HLTF: variants seen among roughly 807,000 people sequenced by gnomAD.
HLTF encodes DNA-dependent ATPase/E3 ubiquitin-protein ligase HLTF.
A neutral mutation model predicts 129.4 loss-of-function variants in HLTF; 127 were observed. The ratio of observed to expected loss-of-function variants is 0.98; its 90% CI spans 0.85 to 1.14. The LOEUF (loss-of-function observed/expected upper bound fraction) is 1.14. Among genes scored for constraint, HLTF ranks in the 50% most tolerant of loss-of-function variants. The probability of loss-of-function intolerance (pLI) is 0.00; values close to 1 mark genes in which losing one functional copy is unlikely to be tolerated. For synonymous variants in HLTF, 332 were observed against 388.8 expected (o/e 0.85, Z 1.72); for missense variants, 1,139 against 1,187.1 (o/e 0.96, Z 0.60).
At chr3:149,045,533 A>C (rs1469294857) in intron 18 of HLTF, among the ~76,000 whole-genome samples, 1 of 152,208 alleles carries the variant, frequency 6.6e-6, no homozygotes, top group Non-Finnish European at 1.5e-5. Context: ...TTTTGAACTC[A>C]GAAATCTGCT....
chr3:149,085,913 C>T (rs1295915868), intron 1 of HLTF, among the ~76,000 whole-genome samples: 1 of 152,186 alleles, frequency 6.6e-6, no homozygotes, highest in East Asian at 1.9e-4. Context: ...AGCGCCTCTG[C>T]AAATACTTAT....
intron 10 of HLTF, chr3:149,063,147 C>T (rs1559872382): frequency 2.2e-6 from 1 of 464,746 alleles, no homozygotes; most frequent in Non-Finnish European, 4.2e-6. Flanking sequence ...GCAAGCTCTG[C>T]CTCCCGGGTT....
rs762870563 is a variant in HLTF, at chr3:149,064,878, G to C, written c.991-12C>G. 2 of 1,497,268 alleles carry C rather than the reference G, an allele frequency of 1.3e-6. No individual in the cohort carries two copies. The highest frequency in any genetic ancestry group is 1.1e-5 in the South Asian group (1 of 88,208). The allele number at this position is 1,497,268 out of a possible 1,614,324, so 92.7% of individuals were successfully genotyped here. A position where few individuals can be genotyped will look rare whatever the true frequency, so the allele number is the denominator to read the frequency against. On this transcript the variant is annotated splice_polypyrimidine_tract_variant and intron_variant, in intron 8 of 24. Coordinates refer to ENST00000310053, the MANE Select transcript of HLTF (RefSeq NM_003071.4). ...TTAACATTATATTCCTGGGTAAATA[G>C]GCATATTTCTTAAACAGTACTGCTA... is the stretch of plus-strand genomic sequence containing the variant.
chr3:149,068,298 T>A lies in HLTF; in HGVS notation c.932A>T (p.Asn311Ile). The A allele has an allele frequency of 6.4e-7, 1 of 1,569,030 alleles. No individual in the cohort carries two copies. The highest frequency in any genetic ancestry group is 8.7e-7 in the Non-Finnish European group (1 of 1,143,442). The change falls in exon 8 of 25, where the codon AAC (asparagine) becomes ATC (isoleucine). Residue 311 changes from asparagine to isoleucine, a missense_variant. Transcript: ENST00000310053. ...TLTAIAVILT[N>I]FHDGRPLPIE... ...AGGAAGAGGTCTGCCATCATGGAAG[T>A]TGGTAAGGATTACTGCAATGGCCGT...
chr3:149,067,047 T>C (rs1718436620), intron 8 of HLTF, among the ~76,000 whole-genome samples: 1 of 152,136 alleles, frequency 6.6e-6, no homozygotes, highest in South Asian at 2.1e-4. Context: ...TATTTCCTTC[T>C]ATTTAAGTTA....
intron 1 of HLTF, 62 bp from the exon 2 acceptor site, chr3:149,084,951 G>A (rs1036117300): frequency 8.3e-7 from 1 of 1,200,186 alleles, no homozygotes; most frequent in South Asian, 1.3e-5. Flanking sequence ...AAGACCATAT[G>A]AGTAGTTTTC....
In HLTF at chr3:149,050,339, A is replaced by C. The variant is rs760546650; in HGVS notation, c.1510T>G (p.Leu504Val). Reference protein sequence around the residue: ...FGQHIKSDVHLNFYVYYGPDR... With the variant: ...FGQHIKSDVHVNFYVYYGPDR... ...GGACCATAATAAACATAAAAATTCA[A>C]GTGTACATCTGATTTTATATGTTGT... is the stretch of plus-strand genomic sequence containing the variant. Residue 504 changes from leucine to valine, a missense_variant, in exon 15 of 25, where the codon TTG (leucine) becomes GTG (valine). Coordinates refer to ENST00000310053, the MANE Select transcript of HLTF (RefSeq NM_003071.4). 6.3e-7 allele frequency: 1 copy of C among 1,593,850 alleles called. No homozygotes were observed. The highest frequency in any genetic ancestry group is 8.6e-7 in the Non-Finnish European group (1 of 1,167,134).
chr3:149,049,012 T>C lies in HLTF; in HGVS notation c.1618-11A>G. On this transcript the variant is annotated splice_polypyrimidine_tract_variant and intron_variant, in intron 15 of 24. Coordinates refer to ENST00000310053, the MANE Select transcript of HLTF (RefSeq NM_003071.4). The stretch of plus-strand genomic sequence containing the variant: ...ACTATCTCCTTTAGTCTGAAATAAA[T>C]GTTTTATATGAATTAAAAAACACAG... 1.3e-6 allele frequency: 2 copies of C among 1,563,222 alleles called. No individual in the cohort carries two copies. Among genetic ancestry groups the C allele is most frequent in the Non-Finnish European group, 1.8e-6 (2 of 1,141,620 alleles).
At chr3:149,032,743 A>G (rs1304729416) in intron 24 of HLTF, among the ~76,000 whole-genome samples, 2 of 152,120 alleles carry the variant, frequency 1.3e-5, no homozygotes, top group Non-Finnish European at 2.9e-5. Context: ...CGGGCAGATC[A>G]TGAGGTCAGG....
chr3:149,037,041 T>A (rs1253223785), intron 23 of HLTF, among the ~76,000 whole-genome samples: 2 of 152,230 alleles, frequency 1.3e-5, no homozygotes, highest in Non-Finnish European at 2.9e-5. Context: ...TGGGATTTGT[T>A]CTAAAAATCA....
intron 15 of HLTF, among the ~76,000 whole-genome samples, chr3:149,049,532 G>A (rs1716813861): frequency 1.3e-5 from 2 of 152,046 alleles, no homozygotes; most frequent in South Asian, 4.1e-4. Context: ...GAAAACTTAT[G>A]AACTGTAACT....
intron 7 of HLTF, among the ~76,000 whole-genome samples, chr3:149,069,301 G>A (rs1211468333): frequency 2.6e-5 from 4 of 151,890 alleles, no homozygotes; most frequent in Admixed American, 6.6e-5. Flanking sequence ...GTGAAACCCC[G>A]TCTCTACTAA....
chr3:149,079,903 G>GT (rs1211715424), intron 2 of HLTF, among the ~76,000 whole-genome samples: 2 of 152,018 alleles, frequency 1.3e-5, no homozygotes, highest in Non-Finnish European at 2.9e-5. Context: ...CAGCCACAAA[G>GT]TTTTTTATAT....
At position 149,040,099 on chromosome 3, in the gene HLTF, A is replaced by G; in HGVS notation, c.2434T>C (p.Cys812Arg). The part of the protein sequence containing the change: ...NDIHEDNLLE[C>R]PPEELARDSE... ...TCACGTGCTAATTCTTCTGGAGGAC[A>G]TTCTAATAAATTATCTTCATGTATA... Residue 812 changes from cysteine to arginine, a missense_variant, in exon 21 of 25, where the codon TGT becomes CGT. Cys to Arg is a radical substitution (Grantham distance 180). Transcript: ENST00000310053. 1 of 1,610,336 alleles carries G rather than the reference A, an allele frequency of 6.2e-7. No homozygotes were observed. The highest frequency in any genetic ancestry group is 8.5e-7 in the Non-Finnish European group (1 of 1,178,066).
At chr3:149,071,710 CTTGCATTTAAGTCAGA>C in intron 5 of HLTF, 53 bp from the exon 6 acceptor site, 1 of 1,093,634 alleles carries the variant, frequency 9.1e-7, no homozygotes, top group Non-Finnish European at 1.4e-6. Context: ...TAAAATAATA[CTTGCATTTAAGTCAGA>C]TTTGAAATCA....
chr3:149,036,320 C>T (rs1156591820), intron 23 of HLTF, among the ~76,000 whole-genome samples: 4 of 34,808 alleles, frequency 1.1e-4, no homozygotes, highest in East Asian at 8.1e-4. Context: ...GATGGAGTCT[C>T]GCTCTGTCAC....
rs896602502 is a variant in HLTF, at chr3:149,032,115, CT to C, written c.*104del. On this transcript the variant is annotated 3_prime_UTR_variant, in exon 25 of 25. Coordinates refer to ENST00000310053, the MANE Select transcript of HLTF (RefSeq NM_003071.4). ...CTCTTCACTAATATAAAATATGCCC[CT>C]TTTAGAAGACGTGTTCTCTAGATCT... 1.2e-6 allele frequency: 1 copy of C among 819,358 alleles called. No homozygotes were observed. Among genetic ancestry groups the C allele is most frequent in the African/African-American group, 1.8e-5 (1 of 56,118 alleles). The allele number at this position is 819,358 out of a possible 1,614,324, so 50.8% of individuals were successfully genotyped here. A position where few individuals can be genotyped will look rare whatever the true frequency, so the allele number is the denominator to read the frequency against.
chr3:149,081,835 A>G (rs1183037882), intron 2 of HLTF, among the ~76,000 whole-genome samples: 5 of 152,164 alleles, frequency 3.3e-5, no homozygotes, highest in African/African-American at 4.8e-5. Context: ...CATAAAAGGG[A>G]GTTTAAGTAT....
At chr3:149,044,564 C>G (rs6440581) in intron 18 of HLTF, among the ~76,000 whole-genome samples, 124,120 of 151,988 alleles carry the variant, frequency 0.82, 51,243 homozygotes, top group African/African-American at 0.93. Context: ...CCACACATAG[C>G]TGACTTTGAA....
Sources: allele counts gnomAD v4.1 joint callset (sites outside exome capture counted in the v4.1 genomes callset), GRCh38; gene constraint gnomAD v4.1.1; transcripts MANE v1.5; gene names NCBI Gene and HGNC (gene_info 2026-07-23, HGNC 2026-07-21).